PARP1: variants seen among roughly 807,000 people sequenced by gnomAD.
The protein encoded by PARP1 is poly [ADP-ribose] polymerase 1.
A neutral mutation model predicts 118.7 loss-of-function variants in PARP1; 44 were observed. The observed-to-expected ratio is 0.37, with a 90% CI of 0.29 to 0.48. The LOEUF (loss-of-function observed/expected upper bound fraction) is 0.48. PARP1 is among the 20% of genes least tolerant of loss of function. PARP1 has a pLI of 0.99. For synonymous variants in PARP1, 492 were observed against 483.2 expected (o/e 1.02, Z -0.24); for missense variants, 1,100 against 1,272.4 (o/e 0.86, Z 2.06).
At position 226,379,959 on chromosome 1, in the gene PARP1, C is replaced by CGCA; in HGVS notation, c.1503_1505dup (p.Ala502dup). The CGCA allele has an allele frequency of 6.2e-7, 1 of 1,614,068 alleles. No homozygotes were observed. Among genetic ancestry groups the CGCA allele is most frequent in the Non-Finnish European group, 8.5e-7 (1 of 1,180,020 alleles). On this transcript the variant is annotated inframe_insertion, in exon 10 of 23. Coordinates refer to ENST00000366794, the MANE Select transcript of PARP1 (RefSeq NM_001618.4). Reference sequence around the variant, plus strand: ...CCTGGCCCTTGCTTTTTTTGGAGAGCGCAGCCCCTGACTTCCCTCTTGGGG... The same window carrying CGCA: ...CCTGGCCCTTGCTTTTTTTGGAGAGCGCAGCAGCCCCTGACTTCCCTCTTGGGG...
chr1:226,362,875 A>G (rs1664177959), intron 21 of PARP1, among the ~76,000 whole-genome samples: 1 of 151,488 alleles, frequency 6.6e-6, no homozygotes, highest in Admixed American at 6.6e-5. Context: ...TTTTACAAAA[A>G]TAAATAAAAT....
chr1:226,401,687 T>A (rs1665040493), intron 2 of PARP1, among the ~76,000 whole-genome samples: 1 of 152,156 alleles, frequency 6.6e-6, no homozygotes, highest in South Asian at 2.1e-4. Context: ...TCCTTAATCT[T>A]AAGGGGGCTG....
rs1280125428 is a variant in PARP1 at position 226,362,010 on chromosome 1, C to T, written c.2922G>A (p.Gly974=). ...AGGTGTCATTCACACCAGATGAAATCCCGGTCCCAAGAGGAACGTCTACAC... is the reference window on the plus strand; with the variant it reads ...AGGTGTCATTCACACCAGATGAAATTCCGGTCCCAAGAGGAACGTCTACAC... ...LDGVDVPLGT[G]ISSGVNDTSL... is the part of the protein sequence containing the mutation. The change falls in exon 22 of 23, where the codon GGG becomes GGA. Residue 974 remains glycine (G), a synonymous_variant. Coordinates refer to ENST00000366794, the MANE Select transcript of PARP1 (RefSeq NM_001618.4). 2 of 1,612,640 alleles carry T rather than the reference C, an allele frequency of 1.2e-6. No homozygotes were observed. The highest frequency in any genetic ancestry group is 2.2e-5 in the East Asian group (1 of 44,888).
intron 2 of PARP1, among the ~76,000 whole-genome samples, chr1:226,400,634 C>T (rs1665017065): frequency 6.6e-6 from 1 of 152,212 alleles, no homozygotes. Flanking sequence ...AAACACAGCA[C>T]TGTCACCAAC....
intron 14 of PARP1, among the ~76,000 whole-genome samples, 191 bp downstream of exon 14, chr1:226,374,035 C>G (rs1423766307): frequency 2.0e-5 from 3 of 152,100 alleles, no homozygotes; most frequent in African/African-American, 7.2e-5. Flanking sequence ...ATCAAACAAC[C>G]CTCTGCAAAA....
intron 2 of PARP1, chr1:226,392,914 T>G: frequency 6.4e-7 from 1 of 1,565,042 alleles, no homozygotes; most frequent in Non-Finnish European, 8.6e-7. Flanking sequence ...GAATGTTTCT[T>G]GCCTAAGATT....
chr1:226,386,292 C>G (rs1174735210), intron 6 of PARP1, 34 bp downstream of exon 6: 4 of 1,330,672 alleles, frequency 3.0e-6, no homozygotes, highest in Non-Finnish European at 4.3e-6. Context: ...GTCGGCCTCA[C>G]ATGCGTGTCC....
chr1:226,379,241 C>G lies in PARP1; in HGVS notation c.1646G>C (p.Gly549Ala). 6.2e-7 allele frequency: 1 copy of G among 1,614,258 alleles called. No homozygotes were observed. Among genetic ancestry groups the G allele is most frequent in the East Asian group, 2.2e-5 (1 of 44,886 alleles). ...AAGGGTGGCACTGAAGACCTTCCCA[C>G]CTTTCTCCAGGACATGCGCAGAGTG... ...LEHSAHVLEK[G>A]GKVFSATLGL... The change falls in exon 12 of 23, where the codon GGT becomes GCT. Residue 549 changes from glycine to alanine, a missense_variant. Around this residue, in one of 2 missense-constraint regions of PARP1, gnomAD observed 948 missense variants for 1,031.8 expected, o/e 0.92. Coordinates refer to ENST00000366794, the MANE Select transcript of PARP1 (RefSeq NM_001618.4).
In PARP1 at chr1:226,394,774, TGAAAAAAAA is replaced by T. The variant is rs1283684877; in HGVS notation, c.287-2469_287-2461del. ...TGGGTGACAGAGCAAGATGTTGTCTTGAAAAAAAAGAAAAAAAGACAGACTGGATTTGAA... is the reference window on the plus strand; with the variant it reads ...TGGGTGACAGAGCAAGATGTTGTCTTGAAAAAAAGACAGACTGGATTTGAA... On this transcript the variant is annotated intron_variant, in intron 2 of 22. Transcript: ENST00000366794. Among the ~76,000 whole-genome samples, 8 of 152,044 alleles carry T rather than the reference TGAAAAAAAA, an allele frequency of 5.3e-5. No individual in the cohort carries two copies. The East Asian group carries it at 1.5e-3, about 29-fold the overall frequency.
intron 5 of PARP1, among the ~76,000 whole-genome samples, chr1:226,388,052 T>C (rs1576398975): frequency 6.6e-6 from 1 of 152,234 alleles, no homozygotes; most frequent in Non-Finnish European, 1.5e-5. Flanking sequence ...TCTCCCTCAA[T>C]TTCCCAGACA....
At chr1:226,365,205 CTGGT>C in intron 18 of PARP1, 51 bp from the exon 19 acceptor site, 1 of 1,595,046 alleles carries the variant, frequency 6.3e-7, no homozygotes. Flanking sequence ...ATTTGTTACT[CTGGT>C]TGACTGAAAG....
intron 13 of PARP1, among the ~76,000 whole-genome samples, 191 bp downstream of exon 13, chr1:226,376,917 C>T (rs1179109647): frequency 6.6e-6 from 1 of 152,088 alleles, no homozygotes; most frequent in Non-Finnish European, 1.5e-5. Flanking sequence ...GTGGTACTGG[C>T]CTTCATGCAA....
In PARP1 at chr1:226,379,145, T is replaced by C; in HGVS notation, c.1742A>G (p.Asn581Ser). ...KLQLLEDDKE[N>S]RYWIFRSWGR... Reference sequence around the variant, plus strand: ...AGGCTACACCTGCAGAACTCACCTGTTTTCCTTGTCGTCCTCCAGAAGCTG... The same window carrying C: ...AGGCTACACCTGCAGAACTCACCTGCTTTCCTTGTCGTCCTCCAGAAGCTG... The change falls in exon 12 of 23, where the codon AAC becomes AGC. Residue 581 changes from asparagine (N) to serine (S), a missense_variant. Physicochemically the swap from Asn to Ser is conservative, Grantham distance 46. Around this residue, in one of 2 missense-constraint regions of PARP1, gnomAD observed 948 missense variants for 1,031.8 expected, o/e 0.92. Transcript: ENST00000366794. The C allele has an allele frequency of 6.2e-7, 1 of 1,614,148 alleles. No individual in the cohort carries two copies. Among genetic ancestry groups the C allele is most frequent in the Non-Finnish European group, 8.5e-7 (1 of 1,180,022 alleles).
rs1665047885 is a variant in PARP1, at chr1:226,402,106, G to A, written c.286+108C>T. The A allele has an allele frequency of 3.7e-6, 6 of 1,601,732 alleles. No homozygotes were observed. The African/African-American group carries it at 6.7e-5, about 18-fold the overall frequency. ...GGCACCATACGCTTGATCTGCACATGTGGGAGAGGGCAAGCTGGGGGAGGT... is the reference window on the plus strand; with the variant it reads ...GGCACCATACGCTTGATCTGCACATATGGGAGAGGGCAAGCTGGGGGAGGT... On this transcript the variant is annotated intron_variant, in intron 2 of 22. Coordinates refer to ENST00000366794, the MANE Select transcript of PARP1 (RefSeq NM_001618.4).
At chr1:226,376,251 A>G (rs949592365) in intron 13 of PARP1, among the ~76,000 whole-genome samples, 1 of 152,266 alleles carries the variant, frequency 6.6e-6, no homozygotes, top group Non-Finnish European at 1.5e-5. Context: ...TCTGATTAAA[A>G]AAGTGATAAA....
chr1:226,392,755 T>C (rs1664844036), intron 2 of PARP1: 2 of 581,600 alleles, frequency 3.4e-6, no homozygotes, highest in Non-Finnish European at 5.9e-6. Flanking sequence ...GACACAAGTA[T>C]ATGTAAGAAT....
intron 14 of PARP1, 196 bp from the exon 15 acceptor site, chr1:226,370,713 G>C: frequency 1.6e-6 from 1 of 641,752 alleles, no homozygotes; most frequent in Non-Finnish European, 2.8e-6. Context: ...TGTGTCTGAA[G>C]ATTCTTGCTC....
In PARP1 at chr1:226,392,222, C is replaced by T. The variant is rs766857135; in HGVS notation, c.379G>A (p.Gly127Arg). 14 of 1,612,818 alleles carry T rather than the reference C, an allele frequency of 8.7e-6. No individual in the cohort carries two copies. Among genetic ancestry groups the T allele is most frequent in the Non-Finnish European group, 1.2e-5 (14 of 1,178,802 alleles). The change falls in exon 3 of 23, where the codon GGG becomes AGG. Residue 127 changes from glycine to arginine, a missense_variant. Physicochemically the swap from Gly to Arg is moderately radical, Grantham distance 125. This residue lies in a region of PARP1 where 948 missense variants were observed against 1,031.8 expected (regional missense o/e 0.92). Coordinates refer to ENST00000366794, the MANE Select transcript of PARP1 (RefSeq NM_001618.4). ...YAKSNRSTCK[G>R]CMEKIEKGQV... ...ACCTTTTCTATCTTCTCCATACACCCCTTGCACGTACTTCTGTTGGACTTG... is the reference window on the plus strand; with the variant it reads ...ACCTTTTCTATCTTCTCCATACACCTCTTGCACGTACTTCTGTTGGACTTG...
chr1:226,380,101 G>A lies in PARP1; in HGVS notation c.1364C>T (p.Ser455Phe). ...GGAGACGTCCTGGAGGAAGTCCTCA[G>A]ACACAACTCGGATGTTGGCTTCCTT... ...EVKEANIRVV[S>F]EDFLQDVSAS... is the part of the protein sequence containing the mutation. The change falls in exon 10 of 23, where the codon TCT becomes TTT. Residue 455 changes from serine (S) to phenylalanine (F), a missense_variant. Around this residue, in one of 2 missense-constraint regions of PARP1, gnomAD observed 948 missense variants for 1,031.8 expected, o/e 0.92. Transcript: ENST00000366794. 1 of 1,614,156 alleles carries A rather than the reference G, an allele frequency of 6.2e-7. No individual in the cohort carries two copies. The highest frequency in any genetic ancestry group is 1.3e-5 in the African/African-American group (1 of 75,046).
Sources: gnomAD v4.1 joint callset for allele counts (sites outside exome capture counted in the v4.1 genomes callset) on GRCh38, gnomAD v4.1.1 for gene constraint, gnomAD v4.1.1 regional missense constraint, MANE v1.5 for transcripts, NCBI Gene and HGNC (gene_info 2026-07-23, HGNC 2026-07-21) for gene names.